Variants in RUFY1 observed in about 807,000 individuals in gnomAD.
RUFY1 encodes RUN and FYVE domain-containing protein 1.
A neutral mutation model predicts 94.6 loss-of-function variants in RUFY1; 54 were observed. That is an observed-to-expected ratio of 0.57 (90% CI 0.46 to 0.72). RUFY1 has a LOEUF of 0.72. Among genes scored for constraint, RUFY1 ranks in the 30% least tolerant of loss-of-function variants. The pLI is 0.00. For missense variants in RUFY1, 883 were observed against 883.9 expected, an observed-to-expected ratio of 1.00 and a Z score of 0.01; for synonymous variants, 396 against 347.3, an observed-to-expected ratio of 1.14 and a Z score of -1.56.
At chr5:179,568,696 C>G (rs1173767239) in intron 4 of RUFY1, among the ~76,000 whole-genome samples, 1 of 152,216 alleles carries the variant, frequency 6.6e-6, no homozygotes, top group African/African-American at 2.4e-5. Context: ...ATATCCCTCA[C>G]TTTACTAATG....
chr5:179,580,675 A>C (rs1452899044), intron 6 of RUFY1, among the ~76,000 whole-genome samples: 1 of 151,644 alleles, frequency 6.6e-6, no homozygotes, highest in Non-Finnish European at 1.5e-5. Context: ...GCGTGTGGCA[A>C]GTTGGTGTTT....
intron 7 of RUFY1, 100 bp downstream of exon 7, chr5:179,581,112 TC>T: frequency 2.7e-6 from 2 of 727,578 alleles, no homozygotes; most frequent in Non-Finnish European, 2.4e-6. Flanking sequence ...ATAACTTGTT[TC>T]CAAACCAAGA....
At chr5:179,588,010 G>T (rs1405691659) in intron 8 of RUFY1, among the ~76,000 whole-genome samples, 1 of 152,032 alleles carries the variant, frequency 6.6e-6, no homozygotes, top group African/African-American at 2.4e-5. Context: ...AAAAAACAAA[G>T]AAATGTGCTT....
At chr5:179,609,206 CA>C (rs5873655) in intron 17 of RUFY1, among the ~76,000 whole-genome samples, 169 bp from the exon 18 acceptor site, 8,800 of 121,184 alleles carry the variant, frequency 0.073, 321 homozygotes, top group South Asian at 0.12. Context: ...GACTCTATCT[CA>C]AAAAAAAAAA....
At chr5:179,586,187 C>T (rs1764592369) in intron 8 of RUFY1, 2 of 437,004 alleles carry the variant, frequency 4.6e-6, no homozygotes, top group South Asian at 2.0e-5. Context: ...CTGCCCTTCC[C>T]ATGATGCCGT....
At position 179,577,156 on chromosome 5, in the gene RUFY1, T is replaced by C; in HGVS notation, c.890+20T>C. On this transcript the variant is annotated intron_variant, in intron 6 of 17. Coordinates refer to ENST00000319449, the MANE Select transcript of RUFY1 (RefSeq NM_025158.5). ...CAAGGAGTAAGTACTGCGTTGTATG[T>C]CACTTTTTTTTTTTTTTTTTTTTTT... 1 of 1,021,238 alleles carries C rather than the reference T, an allele frequency of 9.8e-7. No individual in the cohort carries two copies. 63.3% of individuals were successfully genotyped at this position (1,021,238 alleles called of 1,614,324 possible). A position where few individuals can be genotyped will look rare whatever the true frequency, so the allele number is the denominator to read the frequency against.
rs142270348 is a variant in RUFY1, at chr5:179,579,416, C to T, written c.891-1531C>T. On this transcript the variant is annotated intron_variant, in intron 6 of 17. Transcript: ENST00000319449. ...CACTATCTGAGCGCACTGCAACCTC[C>T]GCCTCCCAGGTTCAAGCAATTCTCC... is the stretch of plus-strand genomic sequence containing the variant. Among the ~76,000 whole-genome samples, 1,387 of 151,286 alleles carry T rather than the reference C, an allele frequency of 9.2e-3. 23 individuals are homozygous for T. The highest frequency in any genetic ancestry group is 0.03 in the African/African-American group (1,235 of 41,252).
At chr5:179,566,017 G>C (rs1422486217) in intron 3 of RUFY1, among the ~76,000 whole-genome samples, 1 of 151,910 alleles carries the variant, frequency 6.6e-6, no homozygotes, top group Non-Finnish European at 1.5e-5. Flanking sequence ...GCACGTGCCT[G>C]CTGTCCCAGC....
At chr5:179,596,331 C>T (rs1337289304) in intron 12 of RUFY1, 9 of 617,060 alleles carry the variant, frequency 1.5e-5, no homozygotes, top group Non-Finnish European at 2.3e-5. Flanking sequence ...AAAGCCAAAG[C>T]CATATTGTTG....
chr5:179,608,444 G>A (rs1767341355), intron 17 of RUFY1: 1 of 985,590 alleles, frequency 1.0e-6, no homozygotes, highest in Non-Finnish European at 1.2e-6. Context: ...CATCTGTGGA[G>A]TCAGAAGCAG....
At chr5:179,563,480 G>C (rs1336808873) in intron 3 of RUFY1, among the ~76,000 whole-genome samples, 1 of 152,188 alleles carries the variant, frequency 6.6e-6, no homozygotes, top group Non-Finnish European at 1.5e-5. Context: ...TGGCAGGTGA[G>C]TGATGGAGCA....
intron 7 of RUFY1, among the ~76,000 whole-genome samples, chr5:179,584,156 T>C (rs1764415685): frequency 1.3e-5 from 2 of 152,212 alleles, no homozygotes; most frequent in African/African-American, 2.4e-5. Context: ...CTGTATCTTT[T>C]GGTTTTTTTC....
intron 13 of RUFY1, chr5:179,598,457 TC>T (rs1406527696): frequency 3.5e-6 from 2 of 565,060 alleles, no homozygotes; most frequent in Non-Finnish European, 6.3e-6. Flanking sequence ...AGAGCTCTCT[TC>T]CTTCTCCCCT....
chr5:179,604,244 C>T (rs1203506732), intron 15 of RUFY1, among the ~76,000 whole-genome samples: 1 of 152,174 alleles, frequency 6.6e-6, no homozygotes, highest in South Asian at 2.1e-4. Context: ...TGTGCTCTCT[C>T]CCCTCTTCCC....
At chr5:179,554,672 A>G (rs1282674655) in intron 1 of RUFY1, among the ~76,000 whole-genome samples, 1 of 151,380 alleles carries the variant, frequency 6.6e-6, no homozygotes, top group Non-Finnish European at 1.5e-5. Context: ...ATCAAACCAT[A>G]CAAAAGAACA....
At chr5:179,581,059 C>T (rs746364307) in intron 7 of RUFY1, 47 bp downstream of exon 7, 1 of 1,177,682 alleles carries the variant, frequency 8.5e-7, no homozygotes, top group South Asian at 1.3e-5. Flanking sequence ...ACTCGGTATC[C>T]TGTCATTGCT....
At chr5:179,590,194 A>G (rs957950206) in intron 9 of RUFY1, among the ~76,000 whole-genome samples, 7 of 151,982 alleles carry the variant, frequency 4.6e-5, no homozygotes, top group African/African-American at 1.7e-4. Flanking sequence ...TCTACTAAAA[A>G]TACAAAACAG....
intron 14 of RUFY1, among the ~76,000 whole-genome samples, chr5:179,600,311 T>G (rs1766215726): frequency 6.6e-6 from 1 of 152,180 alleles, no homozygotes; most frequent in African/African-American, 2.4e-5. Context: ...AGTTACTTTC[T>G]GGGTCTCCAT....
At chr5:179,586,735 G>C (rs987755512) in intron 8 of RUFY1, among the ~76,000 whole-genome samples, 6 of 152,166 alleles carry the variant, frequency 3.9e-5, no homozygotes, top group African/African-American at 1.4e-4. Context: ...TGTCACAGAT[G>C]GGGGTGTCAT....
Sources: gnomAD v4.1 joint callset for allele counts (sites outside exome capture counted in the v4.1 genomes callset) on GRCh38, gnomAD v4.1.1 for gene constraint, MANE v1.5 for transcripts, NCBI Gene and HGNC (gene_info 2026-07-23, HGNC 2026-07-21) for gene names.